The following NUP62CL variants were observed in gnomAD, a reference collection of about 807,000 sequenced individuals.
NUP62CL encodes the protein nucleoporin-62 C-terminal-like protein.
In NUP62CL, 13 loss-of-function variants were observed where a neutral mutation model predicts 15.3. That is an observed-to-expected ratio of 0.85 (90% CI 0.55 to 1.35). NUP62CL has a LOEUF of 1.35. Among genes scored for constraint, NUP62CL ranks in the 40% most tolerant of loss-of-function variants. NUP62CL has a pLI of 0.00. For missense variants in NUP62CL, 123 were observed against 130.6 expected (o/e 0.94, Z 0.28); for synonymous variants, 54 against 49.2 (o/e 1.10, Z -0.41).
intron 2 of NUP62CL, among the ~76,000 whole-genome samples, chrX:107,180,993 T>C (rs767302795): frequency 9.7e-6 from 1 of 102,582 alleles, no homozygotes; most frequent in East Asian, 3.4e-4. Context: ...CTCGGCTTAC[T>C]GCAACCTCCG....
Position 107,147,963 on chromosome X carries a change from C to CT in NUP62CL, c.531-155_531-154insA, listed in dbSNP as rs766174062. Among the ~76,000 whole-genome samples, 5 of 111,522 alleles carry CT rather than the reference C, an allele frequency of 4.5e-5. No homozygotes were observed. In the Admixed American group the frequency reaches 4.8e-4, roughly 11 times the overall value. On this transcript the variant is annotated intron_variant, in intron 7 of 8. Coordinates refer to ENST00000372466, the MANE Select transcript of NUP62CL (RefSeq NM_017681.3). ...AATACTAATTTTTTTGTTGCTAATT[C>CT]ATATTTGCAATGTTCATTATCTTTA...
chrX:107,131,799 A>G, intron 8 of NUP62CL: 1 of 1,133,827 alleles, frequency 8.8e-7, no homozygotes, highest in Non-Finnish European at 1.2e-6. Flanking sequence ...CCATTCTGCA[A>G]GTGGACAGCT....
At chrX:107,194,198 T>C (rs903523737) in intron 1 of NUP62CL, among the ~76,000 whole-genome samples, 1 of 111,433 alleles carries the variant, frequency 9.0e-6, no homozygotes, top group East Asian at 2.8e-4. Flanking sequence ...GTGAATTTCC[T>C]AGAACTGAAG....
intron 2 of NUP62CL, among the ~76,000 whole-genome samples, chrX:107,185,477 G>C (rs909492971): frequency 1.1e-4 from 12 of 110,913 alleles, no homozygotes; most frequent in East Asian, 5.6e-4. Context: ...GGGACATACA[G>C]GGAGGAACAA....
At chrX:107,133,705 C>T (rs1242086118) in intron 8 of NUP62CL, among the ~76,000 whole-genome samples, 3 of 112,161 alleles carry the variant, frequency 2.7e-5, no homozygotes, top group African/African-American at 9.7e-5. Context: ...CTTTGGGAGG[C>T]GAGGCGGGTG....
chrX:107,184,677 A>G (rs1027485525), intron 2 of NUP62CL, among the ~76,000 whole-genome samples: 12 of 111,989 alleles, frequency 1.1e-4, no homozygotes, highest in Non-Finnish European at 2.1e-4. Flanking sequence ...AATAGCTGAT[A>G]GAAAAATAGG....
chrX:107,142,922 T>C (rs766898160), intron 8 of NUP62CL, among the ~76,000 whole-genome samples: 1 of 112,048 alleles, frequency 8.9e-6, no homozygotes, highest in East Asian at 2.8e-4. Flanking sequence ...TATTTGACTA[T>C]AGTTACTACT....
At chrX:107,176,636 T>C (rs1602657530) in intron 2 of NUP62CL, among the ~76,000 whole-genome samples, 1 of 109,727 alleles carries the variant, frequency 9.1e-6, no homozygotes, top group East Asian at 2.9e-4. Flanking sequence ...TGTGACTATA[T>C]TAAAAACCAC....
rs775725736 is a variant in NUP62CL, at chrX:107,167,651, A to C, written c.192T>G (p.Val64=). The change falls in exon 4 of 9, where the codon GTT becomes GTG. Residue 64 remains valine (V), a splice_region_variant and synonymous_variant. Transcript: ENST00000372466. ...AGTTTTTAAATAAATAGGCTTACCT[A>C]ACAGTTGAAGTATAAGGTACAAGGT... The part of the protein sequence containing the change: ...FENLVPYTST[V]SVVATPVMTY... The C allele has an allele frequency of 3.2e-5, 38 of 1,175,762 alleles. No homozygotes were observed. The highest frequency in any genetic ancestry group is 4.1e-5 in the Non-Finnish European group (36 of 873,542).
At chrX:107,154,819 G>C (rs1355930631) in intron 4 of NUP62CL, among the ~76,000 whole-genome samples, 1 of 111,784 alleles carries the variant, frequency 8.9e-6, no homozygotes, top group African/African-American at 3.3e-5. Context: ...CAGTGGGAAG[G>C]TAATCATCAA....
intron 3 of NUP62CL, among the ~76,000 whole-genome samples, chrX:107,170,658 T>C (rs6622170): frequency 0.31 from 34,308 of 110,628 alleles, 5,143 homozygotes; most frequent in African/African-American, 0.56. Context: ...GTGATCCACC[T>C]GCCTCGGCCT....
chrX:107,175,642 TGTAACA>T (rs922947238), intron 2 of NUP62CL, among the ~76,000 whole-genome samples: 25 of 111,779 alleles, frequency 2.2e-4, no homozygotes, highest in African/African-American at 7.8e-4. Flanking sequence ...AACTCAGTAA[TGTAACA>T]GTGACAGTCA....
intron 4 of NUP62CL, among the ~76,000 whole-genome samples, chrX:107,158,462 A>C (rs901534366): frequency 1.2e-5 from 1 of 81,940 alleles, no homozygotes; most frequent in Non-Finnish European, 2.1e-5. Context: ...ACTAGAACTC[A>C]GGATTAAGAA....
chrX:107,174,126 CCT>C (rs1569362406), intron 3 of NUP62CL, among the ~76,000 whole-genome samples: 1 of 83,293 alleles, frequency 1.2e-5, no homozygotes. Flanking sequence ...TCTCTCTCCC[CCT>C]CTCTCTCTTT....
intron 2 of NUP62CL, among the ~76,000 whole-genome samples, chrX:107,189,657 C>T (rs1927157758): frequency 9.6e-6 from 1 of 103,700 alleles, no homozygotes; most frequent in South Asian, 4.4e-4. Flanking sequence ...TGTGGTGGTG[C>T]ACGTCTATGG....
chrX:107,174,104 T>TCCCTCCCTCCCTCTCTCTCC, intron 3 of NUP62CL, among the ~76,000 whole-genome samples: 1 of 66,946 alleles, frequency 1.5e-5, no homozygotes, highest in Non-Finnish European at 2.7e-5. Flanking sequence ...TCTCTCTCTC[T>TCCCTCCCTCCCTCTCTCTCC]CCCTCCCTCC....
chrX:107,160,269 T>G (rs1356972907), intron 4 of NUP62CL, among the ~76,000 whole-genome samples: 1 of 104,562 alleles, frequency 9.6e-6, no homozygotes, highest in Non-Finnish European at 1.9e-5. Context: ...TTCACAGAAT[T>G]GGAAAAAACG....
intron 1 of NUP62CL, among the ~76,000 whole-genome samples, chrX:107,203,204 C>T (rs1235457568): frequency 9.2e-6 from 1 of 108,264 alleles, no homozygotes; most frequent in Non-Finnish European, 1.9e-5. Flanking sequence ...TTTAAATAAC[C>T]CAAGACATCA....
intron 2 of NUP62CL, among the ~76,000 whole-genome samples, chrX:107,186,323 AT>A (rs1461442561): frequency 8.9e-6 from 1 of 111,953 alleles, no homozygotes; most frequent in Admixed American, 9.5e-5. Flanking sequence ...ACATAATGTT[AT>A]GGGATACATA....
Sources: gnomAD v4.1 joint callset for allele counts (sites outside exome capture counted in the v4.1 genomes callset) on GRCh38, gnomAD v4.1.1 for gene constraint, MANE v1.5 for transcripts, NCBI Gene and HGNC (gene_info 2026-07-23, HGNC 2026-07-21) for gene names.